The following SATL1 variants were observed in gnomAD, a reference collection of about 807,000 sequenced individuals.
SATL1 encodes spermidine/spermine N1-acetyl transferase like 1.
SATL1 carries 47 observed loss-of-function variants against 51.8 expected under a neutral mutation model. That is an observed-to-expected ratio of 0.91 (90% CI 0.72 to 1.16). The LOEUF (loss-of-function observed/expected upper bound fraction) is 1.16. Among genes scored for constraint, SATL1 ranks in the 50% most tolerant of loss-of-function variants. SATL1 has a pLI of 0.00. For synonymous variants in SATL1, 176 were observed against 182.4 expected (o/e 0.97, Z 0.28); for missense variants, 520 against 526.4 (o/e 0.99, Z 0.12).
intron 2 of SATL1, among the ~76,000 whole-genome samples, chrX:85,116,580 T>C (rs1367845432): frequency 9.0e-6 from 1 of 111,615 alleles, no homozygotes; most frequent in Non-Finnish European, 1.9e-5. Context: ...TAGAAGGTCA[T>C]ATACCAGTTA....
chrX:85,167,251 T>G (rs760013353), intron 2 of SATL1, among the ~76,000 whole-genome samples: 3 of 84,480 alleles, frequency 3.6e-5, no homozygotes, highest in Admixed American at 1.4e-4. Flanking sequence ...ATCAGAGAGA[T>G]GGGGGGGGGG....
intron 3 of SATL1, among the ~76,000 whole-genome samples, chrX:85,105,621 T>C (rs1925019223): frequency 9.0e-6 from 1 of 111,211 alleles, no homozygotes; most frequent in Non-Finnish European, 1.9e-5. Context: ...TTGAGAATAG[T>C]ATAAAATGAG....
chrX:85,191,334 A>G (rs1378518748), intron 2 of SATL1, among the ~76,000 whole-genome samples: 1 of 111,742 alleles, frequency 8.9e-6, no homozygotes, highest in Non-Finnish European at 1.9e-5. Context: ...TGATCAAATC[A>G]GGGTACTTAG....
intron 2 of SATL1, among the ~76,000 whole-genome samples, chrX:85,142,354 C>A (rs1401697877): frequency 2.0e-5 from 2 of 102,202 alleles, no homozygotes; most frequent in Non-Finnish European, 4.0e-5. Flanking sequence ...CGAGATCACA[C>A]CACTGCACTC....
intron 2 of SATL1, among the ~76,000 whole-genome samples, chrX:85,188,552 G>C (rs905539507): frequency 1.8e-5 from 2 of 111,197 alleles, no homozygotes; most frequent in Non-Finnish European, 3.8e-5. Flanking sequence ...AGGCTGAGGT[G>C]AGAGGATCAC....
intron 1 of SATL1, among the ~76,000 whole-genome samples, chrX:85,240,327 A>C (rs2147769365): frequency 8.9e-6 from 1 of 111,821 alleles, no homozygotes; most frequent in African/African-American, 3.2e-5. Flanking sequence ...TCAATGATAA[A>C]ATTATTACAG....
At chrX:85,142,223 C>G in intron 2 of SATL1, among the ~76,000 whole-genome samples, 1 of 105,477 alleles carries the variant, frequency 9.5e-6, no homozygotes, top group East Asian at 3.0e-4. Context: ...GATGAAACCC[C>G]GTCTCTACTA....
intron 2 of SATL1, among the ~76,000 whole-genome samples, chrX:85,156,095 G>A (rs1926579983): frequency 1.8e-5 from 2 of 111,113 alleles, no homozygotes; most frequent in Non-Finnish European, 1.9e-5. Flanking sequence ...AAGTTTTAGC[G>A]TTTTTATAAT....
At chrX:85,228,326 AT>A (rs1332595608) in intron 1 of SATL1, among the ~76,000 whole-genome samples, 1 of 110,493 alleles carries the variant, frequency 9.1e-6, no homozygotes, top group East Asian at 2.8e-4. Flanking sequence ...CATTCCAGTA[AT>A]TTTTTTCTTA....
intron 4 of SATL1, among the ~76,000 whole-genome samples, chrX:85,096,796 CA>C (rs1807699665): frequency 9.3e-6 from 1 of 106,986 alleles, no homozygotes; most frequent in African/African-American, 3.4e-5. Context: ...TTATATCCAC[CA>C]AAACTGTCCT....
chrX:85,230,705 A>G (rs991749194), intron 1 of SATL1, among the ~76,000 whole-genome samples: 1 of 112,545 alleles, frequency 8.9e-6, no homozygotes, highest in African/African-American at 3.2e-5. Context: ...ACTCTTACAA[A>G]TAAAAAGCAA....
In SATL1 at chrX:85,108,276, T is replaced by C. The variant is rs772419788; in HGVS notation, c.693A>G (p.Pro231=). ...QVPSQPGIRQ[P]DTSQSCKNQT... ...GGTTCTTACATGATTGGCTAGTGTCTGGTTGCCTTATGCCTGGTTGGCTGG... is the reference window on the plus strand; with the variant it reads ...GGTTCTTACATGATTGGCTAGTGTCCGGTTGCCTTATGCCTGGTTGGCTGG... The change falls in exon 3 of 8, where the codon CCA becomes CCG. Residue 231 remains proline (P), a synonymous_variant. Transcript: ENST00000644105. 2 of 1,211,990 alleles carry C rather than the reference T, an allele frequency of 1.7e-6. No individual in the cohort carries two copies. Among genetic ancestry groups the C allele is most frequent in the East Asian group, 3.0e-5 (1 of 33,824 alleles).
chrX:85,215,162 T>C (rs1216508812), intron 2 of SATL1, among the ~76,000 whole-genome samples: 1 of 111,513 alleles, frequency 9.0e-6, no homozygotes. Context: ...AGCAGTAGCT[T>C]GAGCAGTACC....
chrX:85,143,894 G>A (rs374951060), intron 2 of SATL1, among the ~76,000 whole-genome samples: 5 of 110,786 alleles, frequency 4.5e-5, no homozygotes, highest in East Asian at 2.8e-4. Context: ...ATTTTCAATC[G>A]GCAATGTATT....
intron 2 of SATL1, among the ~76,000 whole-genome samples, chrX:85,128,603 T>C (rs1227543177): frequency 8.9e-6 from 1 of 112,376 alleles, no homozygotes; most frequent in African/African-American, 3.2e-5. Context: ...AGATTGCCTG[T>C]TCACTCTGAT....
intron 2 of SATL1, among the ~76,000 whole-genome samples, chrX:85,111,384 A>C (rs1242458924): frequency 3.6e-5 from 4 of 112,425 alleles, no homozygotes; most frequent in African/African-American, 1.3e-4. Context: ...ATTTTTGCTT[A>C]AAGTTACTTA....
intron 2 of SATL1, among the ~76,000 whole-genome samples, chrX:85,173,920 C>A: frequency 1.2e-5 from 1 of 86,251 alleles, no homozygotes; most frequent in African/African-American, 4.2e-5. Flanking sequence ...TATCCCTCCC[C>A]CCTCCCCCAT....
chrX:85,116,321 A>C (rs1925382400), intron 2 of SATL1: 1 of 111,887 alleles, frequency 8.9e-6, no homozygotes, highest in Non-Finnish European at 1.9e-5. Context: ...AACAAAAGGA[A>C]TTAATGTACA....
At chrX:85,189,404 G>T (rs1927386080) in intron 2 of SATL1, among the ~76,000 whole-genome samples, 1 of 111,747 alleles carries the variant, frequency 8.9e-6, no homozygotes, top group African/African-American at 3.3e-5. Flanking sequence ...CGGCAATATG[G>T]TTGTATCAAA....
Sources: allele counts gnomAD v4.1 joint callset (sites outside exome capture counted in the v4.1 genomes callset), GRCh38; gene constraint gnomAD v4.1.1; transcripts MANE v1.5; gene names NCBI Gene and HGNC (gene_info 2026-07-23, HGNC 2026-07-21).